The following ZNF423 variants were observed in gnomAD, a reference collection of about 807,000 sequenced individuals.
The protein encoded by ZNF423 is zinc finger protein 423, also known as Ebf-associated zinc finger protein.
Under a neutral mutation model 95.8 loss-of-function variants are expected in ZNF423, and 12 were observed. The ratio of observed to expected loss-of-function variants is 0.13; its 90% confidence interval spans 0.08 to 0.20. ZNF423 has a LOEUF of 0.20. ZNF423 is among the 10% of genes least tolerant of loss of function. The pLI is 1.00. For missense variants in ZNF423, 1,316 were observed against 1,737.1 expected (o/e 0.76, Z 4.31); for synonymous variants, 749 against 711.9 (o/e 1.05, Z -0.83).
rs577499130 is a variant in ZNF423 at position 49,782,445 on chromosome 16, G to T, written c.100+7042C>A. On this transcript the variant is annotated intron_variant, in intron 2 of 7. Transcript: ENST00000563137. ...GGAGTGACGGTTCCTATTAACCAGA[G>T]CAAGAAGACCTGTCCCATGGCAGGA... 1.6e-4 allele frequency among the ~76,000 whole-genome samples: 25 copies of T among 152,354 alleles called. No homozygotes were observed. In the South Asian group the frequency reaches 2.7e-3, roughly 16 times the overall value.
chr16:49,731,784 T>C (rs916941274), intron 2 of ZNF423, among the ~76,000 whole-genome samples: 4 of 152,172 alleles, frequency 2.6e-5, no homozygotes, highest in African/African-American at 9.7e-5. Context: ...TACTCCAGCC[T>C]GGGCCTGGAC....
intron 5 of ZNF423, among the ~76,000 whole-genome samples, chr16:49,621,474 G>A (rs541740521): frequency 3.0e-4 from 46 of 152,288 alleles, no homozygotes; most frequent in African/African-American, 1.1e-3. Flanking sequence ...GGGCTGCAGA[G>A]CCATGCAGAG....
upstream of ZNF423, among the ~76,000 whole-genome samples, chr16:49,856,512 G>T (rs531375546): frequency 1.3e-5 from 2 of 151,012 alleles, no homozygotes; most frequent in African/African-American, 2.4e-5. Context: ...ATGCCCAAGC[G>T]CCTGGTTTGG....
intron 4 of ZNF423, among the ~76,000 whole-genome samples, chr16:49,627,786 A>G (rs1320695307): frequency 3.1e-5 from 4 of 128,618 alleles, no homozygotes; most frequent in Non-Finnish European, 6.4e-5. Flanking sequence ...ACCCATCTAC[A>G]TACATTCCCA....
chr16:49,824,535 C>G (rs1017350286), intron 1 of ZNF423, among the ~76,000 whole-genome samples: 1 of 152,152 alleles, frequency 6.6e-6, no homozygotes, highest in Non-Finnish European at 1.5e-5. Context: ...CTACACAGAG[C>G]CTGAGTGGCA....
At chr16:49,741,514 A>G (rs972461255) in intron 2 of ZNF423, among the ~76,000 whole-genome samples, 4 of 151,992 alleles carry the variant, frequency 2.6e-5, no homozygotes, top group Non-Finnish European at 5.9e-5. Context: ...CTCAAAAAAA[A>G]AAGAAGAAGA....
At chr16:49,790,968 C>CA (rs370447876) in intron 1 of ZNF423, among the ~76,000 whole-genome samples, 1 of 152,258 alleles carries the variant, frequency 6.6e-6, no homozygotes, top group African/African-American at 2.4e-5. Flanking sequence ...TGCCACAACT[C>CA]AAACAGTCCT....
chr16:49,663,407 A>G lies in ZNF423; in HGVS notation c.302-24533T>C, dbSNP rs183268847. 5.1e-3 allele frequency among the ~76,000 whole-genome samples: 775 copies of G among 151,908 alleles called. 4 individuals are homozygous for G. The highest frequency in any genetic ancestry group is 6.8e-3 in the Non-Finnish European group (460 of 67,936). On this transcript the variant is annotated intron_variant, in intron 3 of 7. Coordinates refer to ENST00000563137, the MANE Select transcript of ZNF423 (RefSeq NM_001379286.1). ...GAGGCCCCCCAGCCCACCCCCCTCG[A>G]GGCCCTACAGAATCCATCAGGAATC...
In ZNF423 at chr16:49,836,825, C is replaced by T. The variant is rs114415443; in HGVS notation, c.40+18910G>A. Among the ~76,000 whole-genome samples the T allele has an allele frequency of 4.8e-3, 730 of 152,306 alleles. 7 individuals are homozygous for T. The highest frequency in any genetic ancestry group is 0.016 in the African/African-American group (683 of 41,544). On this transcript the variant is annotated intron_variant, in intron 1 of 7. Transcript: ENST00000563137. ...CTCTCCTACTAGTAAGAAGGCAGGACAGGATACAAAGAGAGGTCTGGGACC... is the reference window on the plus strand; with the variant it reads ...CTCTCCTACTAGTAAGAAGGCAGGATAGGATACAAAGAGAGGTCTGGGACC...
At chr16:49,745,901 G>A (rs1289813437) in intron 2 of ZNF423, among the ~76,000 whole-genome samples, 1 of 152,172 alleles carries the variant, frequency 6.6e-6, no homozygotes, top group Non-Finnish European at 1.5e-5. Flanking sequence ...GAGGGGACTG[G>A]GACCCAGTGA....
chr16:49,779,059 C>T (rs528634846), intron 2 of ZNF423, among the ~76,000 whole-genome samples: 2 of 152,080 alleles, frequency 1.3e-5, no homozygotes, highest in African/African-American at 4.8e-5. Flanking sequence ...GAACAAAACT[C>T]AGGCCCTGCA....
intron 1 of ZNF423, among the ~76,000 whole-genome samples, chr16:49,791,059 G>A (rs2034405450): frequency 6.6e-6 from 1 of 152,174 alleles, no homozygotes; most frequent in African/African-American, 2.4e-5. Flanking sequence ...AAGCCTCACA[G>A]AATGGGTTTC....
At chr16:49,682,264 C>G (rs2151938506) in intron 3 of ZNF423, among the ~76,000 whole-genome samples, 2 of 142,478 alleles carry the variant, frequency 1.4e-5, no homozygotes, top group Admixed American at 1.4e-4. Context: ...CATTTTCCCC[C>G]CATTCTCCAA....
intron 3 of ZNF423, among the ~76,000 whole-genome samples, chr16:49,678,618 C>T (rs1039359904): frequency 4.6e-5 from 7 of 152,226 alleles, no homozygotes; most frequent in African/African-American, 7.2e-5. Context: ...CCATGCTGTC[C>T]TCCCTGTGCC....
At chr16:49,616,042 T>C (rs1466137939) in intron 5 of ZNF423, among the ~76,000 whole-genome samples, 3 of 152,196 alleles carry the variant, frequency 2.0e-5, no homozygotes, top group Admixed American at 1.3e-4. Flanking sequence ...GAGCTCTTAC[T>C]TGTTCTCTTA....
At chr16:49,627,732 A>C (rs1175715638) in intron 4 of ZNF423, among the ~76,000 whole-genome samples, 3 of 137,238 alleles carry the variant, frequency 2.2e-5, no homozygotes, top group Non-Finnish European at 4.7e-5. Context: ...TCCATCTTCT[A>C]TCTACCCGCC....
rs538703696 is a variant in ZNF423, at chr16:49,756,754, TG to T, written c.101-25784del. 4.1e-4 allele frequency among the ~76,000 whole-genome samples: 62 copies of T among 152,280 alleles called. No individual in the cohort carries two copies. In the East Asian group the frequency reaches 9.1e-3, roughly 22 times the overall value. ...CACACGGGCAAAAAGGCACGGGTCA[TG>T]GGTGGGCTGAGAACAGGGGGAAGCA... is the stretch of plus-strand genomic sequence containing the variant. On this transcript the variant is annotated intron_variant, in intron 2 of 7. Transcript: ENST00000563137.
chr16:49,656,633 C>A lies in ZNF423; in HGVS notation c.302-17759G>T, dbSNP rs880521. The stretch of plus-strand genomic sequence containing the variant: ...TCCAAGCTAGAACTCTGAGCTTAGA[C>A]CAACTGGCGACACTGAAGAATAATT... On this transcript the variant is annotated intron_variant, in intron 3 of 7. Coordinates refer to ENST00000563137, the MANE Select transcript of ZNF423 (RefSeq NM_001379286.1). 2.8e-3 allele frequency among the ~76,000 whole-genome samples: 433 copies of A among 152,236 alleles called. 1 individual carries two copies. Among genetic ancestry groups the A allele is most frequent in the African/African-American group, 0.01 (416 of 41,544 alleles).
intron 1 of ZNF423, among the ~76,000 whole-genome samples, chr16:49,806,550 G>T (rs1391305685): frequency 6.6e-6 from 1 of 152,150 alleles, no homozygotes; most frequent in Non-Finnish European, 1.5e-5. Context: ...TCAGTTCCTG[G>T]TTATACATGT....
Sources: gnomAD v4.1 joint callset for allele counts (sites outside exome capture counted in the v4.1 genomes callset) on GRCh38, gnomAD v4.1.1 for gene constraint, MANE v1.5 for transcripts, NCBI Gene and HGNC (gene_info 2026-07-23, HGNC 2026-07-21) for gene names.